The following ATP10A variants were observed in gnomAD, a reference collection of about 807,000 sequenced individuals.
ATP10A encodes phospholipid-transporting ATPase VA.
A neutral mutation model predicts 147.8 loss-of-function variants in ATP10A; 111 were observed. The ratio of observed to expected loss-of-function variants is 0.75; its 90% CI spans 0.64 to 0.88. ATP10A has a LOEUF of 0.88. Among genes scored for constraint, ATP10A ranks in the 40% least tolerant of loss-of-function variants. The pLI is 0.00. For missense variants in ATP10A, 1,927 were observed against 1,959.0 expected, an observed-to-expected ratio of 0.98 and a Z score of 0.31; for synonymous variants, 875 against 841.6, an observed-to-expected ratio of 1.04 and a Z score of -0.69.
rs758795277 is a variant in ATP10A at position 25,679,497 on chromosome 15, G to A, written c.4344C>T (p.Ser1448=). 2.5e-6 allele frequency: 4 copies of A among 1,613,844 alleles called. No homozygotes were observed. The South Asian group carries it at 3.3e-5, about 13-fold the overall frequency. ...LNWISSWSLV[S]RLGSVLQFSR... ...AGAACTGTAAGACACTCCCCAGCCT[G>A]CTGACCAGCGACCAGGAGGAAATCC... The change falls in exon 21 of 21, where the codon AGC becomes AGT. Residue 1448 remains serine, a synonymous_variant. Transcript: ENST00000555815.
At chr15:25,858,338 G>A (rs961409458) in intron 1 of ATP10A, among the ~76,000 whole-genome samples, 11 of 152,090 alleles carry the variant, frequency 7.2e-5, no homozygotes, top group African/African-American at 2.7e-4. Context: ...CTGTCTTGTT[G>A]CATTAAGAGG....
intron 2 of ATP10A, among the ~76,000 whole-genome samples, chr15:25,780,391 CCT>C (rs1197070221): frequency 1.3e-5 from 2 of 152,254 alleles, no homozygotes; most frequent in Non-Finnish European, 2.9e-5. Context: ...GGCTCCTGCC[CCT>C]GTCAGTTCAC....
At chr15:25,684,987 T>C (rs1899631458) in intron 16 of ATP10A, among the ~76,000 whole-genome samples, 1 of 152,222 alleles carries the variant, frequency 6.6e-6, no homozygotes, top group Non-Finnish European at 1.5e-5. Context: ...TCATTGACTT[T>C]CTTCCCTTCC....
intron 15 of ATP10A, among the ~76,000 whole-genome samples, chr15:25,689,100 G>A (rs1056443714): frequency 1.3e-5 from 2 of 152,192 alleles, no homozygotes; most frequent in East Asian, 1.9e-4. Context: ...AGAAACCCCC[G>A]CCCTTGAGAA....
At chr15:25,776,285 C>T (rs1273874926) in intron 2 of ATP10A, among the ~76,000 whole-genome samples, 1 of 152,182 alleles carries the variant, frequency 6.6e-6, no homozygotes, top group Non-Finnish European at 1.5e-5. Flanking sequence ...AGCAGACACC[C>T]CACGCAAAGT....
At chr15:25,693,589 G>A (rs1285541229) in intron 14 of ATP10A, among the ~76,000 whole-genome samples, 1 of 152,172 alleles carries the variant, frequency 6.6e-6, no homozygotes, top group East Asian at 1.9e-4. Flanking sequence ...TGGGACAGGG[G>A]TGGTGCAGGT....
chr15:25,683,319 G>T lies in ATP10A; in HGVS notation c.3459C>A (p.Asn1153Lys), dbSNP rs564812723. The change falls in exon 17 of 21, where the codon AAC becomes AAA. Residue 1153 changes from asparagine (N) to lysine (K), a missense_variant. By Grantham distance (94) the Asn-to-Lys change is moderately conservative. Coordinates refer to ENST00000555815, the MANE Select transcript of ATP10A (RefSeq NM_024490.4). ...TCTGGCCACTCTTGTAGAGCTGCGG[G>T]TTGGTCAGCAGCACATTGGCTGGCA... is the stretch of plus-strand genomic sequence containing the variant. ...RDVPANVLLT[N>K]PQLYKSGQNM... 1 of 1,614,124 alleles carries T rather than the reference G, an allele frequency of 6.2e-7. No individual in the cohort carries two copies.
At chr15:25,774,874 TTC>T (rs1265492291) in intron 2 of ATP10A, among the ~76,000 whole-genome samples, 2 of 152,218 alleles carry the variant, frequency 1.3e-5, no homozygotes, top group Admixed American at 6.5e-5. Flanking sequence ...AGTCATTTAT[TTC>T]TGTCTTTCCT....
chr15:25,713,756 C>T lies in ATP10A; in HGVS notation c.2262G>A (p.Arg754=). ...SVRKRMSVVI[R]HPLTDEINVY... ...CGTTGATCTCATCGGTAAGCGGGTG[C>T]CGGATCACCACTGACATCCTCTTGC... Residue 754 remains arginine (R), a synonymous_variant, in exon 10 of 21, where the codon CGG becomes CGA. Coordinates refer to ENST00000555815, the MANE Select transcript of ATP10A (RefSeq NM_024490.4). 6.2e-7 allele frequency: 1 copy of T among 1,614,038 alleles called. No homozygotes were observed. Among genetic ancestry groups the T allele is most frequent in the Non-Finnish European group, 8.5e-7 (1 of 1,179,998 alleles).
intron 2 of ATP10A, among the ~76,000 whole-genome samples, chr15:25,777,991 A>G (rs974715111): frequency 1.3e-5 from 2 of 151,818 alleles, no homozygotes; most frequent in South Asian, 2.1e-4. Flanking sequence ...TATAATTCAC[A>G]TATCATTACT....
intron 12 of ATP10A, among the ~76,000 whole-genome samples, chr15:25,704,231 C>T (rs1043009229): frequency 6.6e-6 from 1 of 151,300 alleles, no homozygotes; most frequent in African/African-American, 2.5e-5. Flanking sequence ...CATAGTAATT[C>T]ATTCATACTT....
chr15:25,848,037 C>T (rs1893106520), intron 1 of ATP10A, among the ~76,000 whole-genome samples: 1 of 152,026 alleles, frequency 6.6e-6, no homozygotes, highest in African/African-American at 2.4e-5. Context: ...CCTGTATTTC[C>T]AGCTACTTGG....
At chr15:25,858,510 TTGAG>T (rs1695885366) in intron 1 of ATP10A, among the ~76,000 whole-genome samples, 1 of 152,166 alleles carries the variant, frequency 6.6e-6, no homozygotes, top group African/African-American at 2.4e-5. Flanking sequence ...GAGGACTTTG[TTGAG>T]TGAGAAGCTC....
chr15:25,855,402 G>A (rs574384793), intron 1 of ATP10A, among the ~76,000 whole-genome samples: 9 of 152,170 alleles, frequency 5.9e-5, no homozygotes, highest in African/African-American at 1.9e-4. Context: ...TTCAACAGAC[G>A]TAGAAAAAGC....
At chr15:25,678,510 G>T (rs954854805), downstream of ATP10A, 1 of 152,148 alleles carries the variant, frequency 6.6e-6, no homozygotes, top group Non-Finnish European at 1.5e-5. Context: ...CCTGAAGACC[G>T]CTGAGCTCCT....
At chr15:25,849,602 A>G (rs1893189975) in intron 1 of ATP10A, among the ~76,000 whole-genome samples, 1 of 152,162 alleles carries the variant, frequency 6.6e-6, no homozygotes, top group Non-Finnish European at 1.5e-5. Flanking sequence ...GAAAGGAGAA[A>G]AAGAGAAAAG....
chr15:25,783,163 C>T (rs1386535229), intron 1 of ATP10A, among the ~76,000 whole-genome samples: 1 of 152,022 alleles, frequency 6.6e-6, no homozygotes, highest in Non-Finnish European at 1.5e-5. Flanking sequence ...GTGACAGAGG[C>T]CCTATCTCAA....
intron 2 of ATP10A, among the ~76,000 whole-genome samples, chr15:25,759,600 G>C (rs763586763): frequency 3.9e-5 from 6 of 152,042 alleles, no homozygotes; most frequent in Non-Finnish European, 7.4e-5. Flanking sequence ...GAGACCAAGA[G>C]TTCGAGATCA....
At chr15:25,751,398 C>T (rs1390384155) in intron 2 of ATP10A, among the ~76,000 whole-genome samples, 1 of 152,108 alleles carries the variant, frequency 6.6e-6, no homozygotes, top group Non-Finnish European at 1.5e-5. Context: ...ACTTGAATAA[C>T]ATCATCAACC....
Sources: gnomAD v4.1 joint callset for allele counts (sites outside exome capture counted in the v4.1 genomes callset) on GRCh38, gnomAD v4.1.1 for gene constraint, MANE v1.5 for transcripts, NCBI Gene and HGNC (gene_info 2026-07-23, HGNC 2026-07-21) for gene names.